The following KIAA1217 variants were observed in gnomAD, a reference collection of about 807,000 sequenced individuals.
The protein encoded by KIAA1217 is KIAA1217.
Under a neutral mutation model 163.9 loss-of-function variants are expected in KIAA1217, and 88 were observed. The observed-to-expected ratio is 0.54, with a 90% CI of 0.45 to 0.64. The LOEUF (loss-of-function observed/expected upper bound fraction) is 0.64, where lower values mean the gene tolerates loss of function less well. Among genes scored for constraint, KIAA1217 ranks in the 30% least tolerant of loss-of-function variants. The pLI is 0.00. For missense variants in KIAA1217, 2,372 were observed against 2,475.0 expected, an observed-to-expected ratio of 0.96 and a Z score of 0.88; for synonymous variants, 903 against 923.1, an observed-to-expected ratio of 0.98 and a Z score of 0.39.
At chr10:23,837,263 C>A (rs1256188371) in intron 1 of KIAA1217, among the ~76,000 whole-genome samples, 2 of 152,102 alleles carry the variant, frequency 1.3e-5, no homozygotes, top group African/African-American at 4.8e-5. Flanking sequence ...TTCTGTGGCA[C>A]TTTCTTATGA....
chr10:24,316,944 G>A (rs944833612), intron 2 of KIAA1217, among the ~76,000 whole-genome samples: 4 of 152,124 alleles, frequency 2.6e-5, no homozygotes, highest in Non-Finnish European at 4.4e-5. Context: ...CGCTCAGTGT[G>A]TGGTCTTTTT....
At chr10:24,225,164 A>C (rs2130958155) in intron 2 of KIAA1217, among the ~76,000 whole-genome samples, 1 of 151,128 alleles carries the variant, frequency 6.6e-6, no homozygotes, top group East Asian at 2.0e-4. Flanking sequence ...ACAAGATCTC[A>C]CTCTTGTTTA....
chr10:24,262,464 A>G (rs2075816508), intron 2 of KIAA1217, among the ~76,000 whole-genome samples: 1 of 151,876 alleles, frequency 6.6e-6, no homozygotes, highest in Non-Finnish European at 1.5e-5. Context: ...CGTGTCTACT[A>G]AAAATACAAA....
At chr10:24,258,129 C>T (rs1481184026) in intron 2 of KIAA1217, among the ~76,000 whole-genome samples, 2 of 151,888 alleles carry the variant, frequency 1.3e-5, no homozygotes, top group Admixed American at 6.6e-5. Flanking sequence ...TGCCGTGAGC[C>T]GTGATTATAT....
intron 2 of KIAA1217, among the ~76,000 whole-genome samples, chr10:24,286,642 C>T (rs958246058): frequency 6.6e-6 from 1 of 152,108 alleles, no homozygotes; most frequent in Non-Finnish European, 1.5e-5. Context: ...CCTTTATATT[C>T]TCTTCATCCT....
intron 2 of KIAA1217, among the ~76,000 whole-genome samples, chr10:24,263,383 C>A (rs1260868317): frequency 1.3e-5 from 2 of 152,136 alleles, no homozygotes; most frequent in Non-Finnish European, 2.9e-5. Flanking sequence ...TGGGTCATTC[C>A]CTTGTGTTTA....
chr10:24,399,524 A>G (rs2056265877), intron 3 of KIAA1217, among the ~76,000 whole-genome samples: 1 of 152,172 alleles, frequency 6.6e-6, no homozygotes, highest in South Asian at 2.1e-4. Flanking sequence ...CATTGGTAAC[A>G]TGTCACTGAG....
chr10:24,066,164 T>C (rs2060936543), intron 2 of KIAA1217, among the ~76,000 whole-genome samples: 1 of 152,190 alleles, frequency 6.6e-6, no homozygotes, highest in Non-Finnish European at 1.5e-5. Context: ...TATTGTTATG[T>C]GTGAATTTGA....
At chr10:24,141,522 G>T (rs1395177257) in intron 2 of KIAA1217, among the ~76,000 whole-genome samples, 1 of 152,154 alleles carries the variant, frequency 6.6e-6, no homozygotes, top group African/African-American at 2.4e-5. Context: ...GCTTAGGAAG[G>T]CAATCACTTA....
At chr10:24,307,678 A>G (rs1241969351) in intron 2 of KIAA1217, among the ~76,000 whole-genome samples, 1 of 151,800 alleles carries the variant, frequency 6.6e-6, no homozygotes, top group African/African-American at 2.4e-5. Flanking sequence ...GCTACATGAG[A>G]GGCTGAGGCT....
At position 24,164,147 on chromosome 10, in the gene KIAA1217, G is replaced by T. The variant is rs187671641; in HGVS notation, c.-170-55479G>T. ...TAGCCTAGAGTGAGCTAAGGACAGGGGACAACCTCTTGGGAGACTGAACTT... is the reference window on the plus strand; with the variant it reads ...TAGCCTAGAGTGAGCTAAGGACAGGTGACAACCTCTTGGGAGACTGAACTT... On this transcript the variant is annotated intron_variant, in intron 2 of 18. Coordinates refer to the KIAA1217 transcript ENST00000376462. Among the ~76,000 whole-genome samples the T allele has an allele frequency of 2.8e-4, 43 of 152,266 alleles. No homozygotes were observed. The East Asian group carries it at 7.5e-3, about 27-fold the overall frequency.
rs1259670357 is a variant in KIAA1217 at position 24,438,467 on chromosome 10, T to C, written c.834T>C (p.Asn278=). ...TTAATCACACACCAAAAACTATGAA[T>C]GGAGACATGAGGGTAAGTGTTTCTG... ...HAFNHTPKTM[N]GDMRMQRELV... is the part of the protein sequence containing the mutation. The change falls in exon 5 of 21, where the codon AAT becomes AAC. Residue 278 remains asparagine, a synonymous_variant. Coordinates refer to ENST00000376454, the MANE Select transcript of KIAA1217 (RefSeq NM_019590.5). 2.5e-6 allele frequency: 4 copies of C among 1,607,710 alleles called. No individual in the cohort carries two copies. Among genetic ancestry groups the C allele is most frequent in the Non-Finnish European group, 3.4e-6 (4 of 1,174,242 alleles).
chr10:23,733,091 G>A (rs1013395933), intron 1 of KIAA1217, among the ~76,000 whole-genome samples: 1 of 151,878 alleles, frequency 6.6e-6, no homozygotes, highest in Non-Finnish European at 1.5e-5. Context: ...TCAGTTCACA[G>A]CACCATTCAC....
chr10:24,344,954 T>C (rs192821014), intron 2 of KIAA1217, among the ~76,000 whole-genome samples: 29 of 152,330 alleles, frequency 1.9e-4, no homozygotes, highest in Admixed American at 1.3e-4. Flanking sequence ...TCCAGGTGGC[T>C]AATCCATCAT....
chr10:23,917,437 GC>G (rs1842674639), intron 1 of KIAA1217, among the ~76,000 whole-genome samples: 1 of 152,178 alleles, frequency 6.6e-6, no homozygotes, highest in Non-Finnish European at 1.5e-5. Context: ...TTGGCAGCAA[GC>G]CTAGGGCCTT....
chr10:23,898,831 A>G (rs981888095), intron 1 of KIAA1217, among the ~76,000 whole-genome samples: 1 of 152,022 alleles, frequency 6.6e-6, no homozygotes, highest in African/African-American at 2.4e-5. Context: ...ATCATACAGT[A>G]TTTGTCTTTT....
intron 2 of KIAA1217, among the ~76,000 whole-genome samples, chr10:24,150,293 G>T (rs568151008): frequency 6.6e-6 from 1 of 152,312 alleles, no homozygotes; most frequent in African/African-American, 2.4e-5. Context: ...GGGATTACAG[G>T]CATGAGCCAC....
chr10:23,993,553 C>CTTTTTTTTTTTTTGTTTTTTTTTT (rs1846320181), intron 1 of KIAA1217, among the ~76,000 whole-genome samples: 1 of 68,956 alleles, frequency 1.5e-5, no homozygotes, highest in Non-Finnish European at 2.4e-5. Context: ...CATAGCCCAG[C>CTTTTTTTTTTTTTGTTTTTTTTTT]TTTTTTTTTT....
intron 3 of KIAA1217, among the ~76,000 whole-genome samples, chr10:24,402,145 T>C (rs893984776): frequency 2.0e-5 from 3 of 152,182 alleles, no homozygotes; most frequent in African/African-American, 7.2e-5. Flanking sequence ...TTTAAAAATA[T>C]TCCTATAAAA....
Sources: gnomAD v4.1 joint callset for allele counts (sites outside exome capture counted in the v4.1 genomes callset) on GRCh38, gnomAD v4.1.1 for gene constraint, MANE v1.5 for transcripts, NCBI Gene and HGNC (gene_info 2026-07-23, HGNC 2026-07-21) for gene names.